TMEM117: variants seen among roughly 807,000 people sequenced by gnomAD.
TMEM117 encodes the protein transmembrane protein 117.
A neutral mutation model predicts 52.4 loss-of-function variants in TMEM117; 27 were observed. The observed-to-expected ratio is 0.51, with a 90% CI of 0.38 to 0.71. TMEM117 has a LOEUF of 0.71. Ranked by LOEUF, TMEM117 falls within the 30% of genes least tolerant of loss-of-function variation. The pLI is 0.00. For synonymous variants in TMEM117, 215 were observed against 206.3 expected (o/e 1.04, Z -0.36); for missense variants, 556 against 630.5 (o/e 0.88, Z 1.26).
At chr12:43,902,704 T>G (rs1473564894) in intron 2 of TMEM117, among the ~76,000 whole-genome samples, 1 of 152,190 alleles carries the variant, frequency 6.6e-6, no homozygotes, top group Non-Finnish European at 1.5e-5. Flanking sequence ...GAGGAGCCAG[T>G]CCTAGATTCA....
the TMEM117 span, chr12:43,798,467 T>G: frequency 1.7e-3 from 2,046 of 1,212,812 alleles, 13 homozygotes; most frequent in African/African-American, 0.017. Context: ...CAACAGAAAG[T>G]CCAATAGAAA....
intron 3 of TMEM117, among the ~76,000 whole-genome samples, chr12:43,988,608 A>T (rs1461152704): frequency 6.6e-6 from 1 of 152,082 alleles, no homozygotes; most frequent in East Asian, 1.9e-4. Context: ...AGCAATGGGA[A>T]TTGCATGGTG....
At chr12:44,062,600 T>G (rs1020405192) in intron 3 of TMEM117, among the ~76,000 whole-genome samples, 1 of 152,188 alleles carries the variant, frequency 6.6e-6, no homozygotes, top group African/African-American at 2.4e-5. Flanking sequence ...TTGTTCCTTG[T>G]GAGAAGGACT....
intron 2 of TMEM117, among the ~76,000 whole-genome samples, chr12:43,859,156 G>C (rs896144725): frequency 2.0e-5 from 3 of 152,150 alleles, no homozygotes; most frequent in African/African-American, 7.2e-5. Flanking sequence ...CTCTGTGTTC[G>C]ATTACTGTTT....
intron 3 of TMEM117, among the ~76,000 whole-genome samples, chr12:43,966,414 T>C (rs1945486689): frequency 6.6e-6 from 1 of 152,064 alleles, no homozygotes; most frequent in African/African-American, 2.4e-5. Flanking sequence ...CCTTTGAAAG[T>C]GAAAGAAAGT....
chr12:43,994,249 G>C (rs1393036952), intron 3 of TMEM117, among the ~76,000 whole-genome samples: 1 of 152,098 alleles, frequency 6.6e-6, no homozygotes, highest in Non-Finnish European at 1.5e-5. Context: ...TGTTATTTTT[G>C]TGCTTTCTCC....
At chr12:43,991,808 A>T (rs951598464) in intron 3 of TMEM117, among the ~76,000 whole-genome samples, 10 of 152,150 alleles carry the variant, frequency 6.6e-5, no homozygotes, top group African/African-American at 2.4e-4. Context: ...ACCGTCATCC[A>T]TTCTCATTTG....
At chr12:43,832,372 G>T (rs1206907008), upstream of TMEM117, among the ~76,000 whole-genome samples, 2 of 152,178 alleles carry the variant, frequency 1.3e-5, no homozygotes, top group Non-Finnish European at 2.9e-5. Context: ...ACCCCTAATA[G>T]GTCTGTGTGG....
chr12:44,197,906 A>G (rs185560034), intron 4 of TMEM117, among the ~76,000 whole-genome samples: 1 of 152,192 alleles, frequency 6.6e-6, no homozygotes, highest in Non-Finnish European at 1.5e-5. Flanking sequence ...ATTAATATTC[A>G]TGCATTATGA....
rs751845925 is a variant in TMEM117 at position 44,290,137 on chromosome 12, C to T, written c.609-9443C>T. The stretch of plus-strand genomic sequence containing the variant: ...CTTGTCAGATACAAGGTTTGTAAAA[C>T]CATCTCCCATTTCATAGCTTGCCTT... On this transcript the variant is annotated intron_variant, in intron 5 of 7. Transcript: ENST00000266534. 4.6e-5 allele frequency among the ~76,000 whole-genome samples: 7 copies of T among 152,226 alleles called. No individual in the cohort carries two copies. The South Asian group carries it at 1.0e-3, about 23-fold the overall frequency.
chr12:44,135,227 G>T (rs1471766711), intron 3 of TMEM117, among the ~76,000 whole-genome samples: 1 of 152,102 alleles, frequency 6.6e-6, no homozygotes, highest in Non-Finnish European at 1.5e-5. Context: ...CATTGTATAT[G>T]TCTCCATAAG....
intron 5 of TMEM117, among the ~76,000 whole-genome samples, chr12:44,270,447 AT>A (rs903482391): frequency 4.6e-5 from 7 of 152,146 alleles, no homozygotes; most frequent in African/African-American, 1.7e-4. Flanking sequence ...AGAGCTACTG[AT>A]TTGTGTGCAT....
At chr12:44,145,609 TC>T (rs1469254126) in intron 4 of TMEM117, among the ~76,000 whole-genome samples, 1 of 152,186 alleles carries the variant, frequency 6.6e-6, no homozygotes, top group African/African-American at 2.4e-5. Context: ...CTTGGCTCAG[TC>T]CTTTGAGGGG....
At chr12:44,067,621 C>G (rs1947242227) in intron 3 of TMEM117, among the ~76,000 whole-genome samples, 2 of 152,084 alleles carry the variant, frequency 1.3e-5, no homozygotes, top group South Asian at 4.2e-4. Context: ...AACAGTATGT[C>G]TCAACGGTGG....
intron 3 of TMEM117, among the ~76,000 whole-genome samples, chr12:44,022,992 T>C (rs1323821750): frequency 6.6e-6 from 1 of 152,160 alleles, no homozygotes; most frequent in Non-Finnish European, 1.5e-5. Flanking sequence ...GGCTTCAACA[T>C]GATGCCGAGT....
intron 2 of TMEM117, among the ~76,000 whole-genome samples, chr12:43,906,755 G>A (rs2137519390): frequency 6.6e-6 from 1 of 152,334 alleles, no homozygotes; most frequent in African/African-American, 2.4e-5. Flanking sequence ...GGAAAATCGG[G>A]TCACTCCCAC....
chr12:43,873,188 ATACT>A (rs1337163967), intron 2 of TMEM117, among the ~76,000 whole-genome samples: 1 of 152,212 alleles, frequency 6.6e-6, no homozygotes, highest in African/African-American at 2.4e-5. Flanking sequence ...TGGAAGGATA[ATACT>A]TAGTGAATTT....
chr12:44,233,852 A>G (rs1219343144), intron 5 of TMEM117, among the ~76,000 whole-genome samples: 1 of 151,438 alleles, frequency 6.6e-6, no homozygotes, highest in Non-Finnish European at 1.5e-5. Flanking sequence ...TTTGAAGAGC[A>G]TGTAGTATGC....
intron 3 of TMEM117, among the ~76,000 whole-genome samples, chr12:44,118,171 T>G (rs1948177015): frequency 6.6e-6 from 1 of 152,202 alleles, no homozygotes; most frequent in Non-Finnish European, 1.5e-5. Context: ...TAAACTTTCA[T>G]GGTTAAAAAG....
Sources: gnomAD v4.1 joint callset for allele counts (sites outside exome capture counted in the v4.1 genomes callset) on GRCh38, gnomAD v4.1.1 for gene constraint, MANE v1.5 for transcripts, NCBI Gene and HGNC (gene_info 2026-07-23, HGNC 2026-07-21) for gene names.